MTUS1: variants seen among roughly 807,000 people sequenced by gnomAD.
MTUS1 encodes microtubule-associated tumor suppressor 1.
MTUS1 carries 109 observed loss-of-function variants against 120.8 expected under a neutral mutation model. The ratio of observed to expected loss-of-function variants is 0.90; its 90% confidence interval spans 0.77 to 1.06. MTUS1 has a LOEUF of 1.06. Ranked by LOEUF, MTUS1 falls within the 50% of genes least tolerant of loss-of-function variation. The pLI is 0.00. For synonymous variants in MTUS1, 737 were observed against 550.5 expected (o/e 1.34, Z -4.74); for missense variants, 2,210 against 1,486.3 (o/e 1.49, Z -8.01).
intron 1 of MTUS1, among the ~76,000 whole-genome samples, chr8:17,799,684 G>A (rs769489215): frequency 5.9e-5 from 9 of 151,916 alleles, no homozygotes; most frequent in African/African-American, 2.2e-4. Flanking sequence ...ATGTAACCTT[G>A]ACTTATTGAC....
In MTUS1 at chr8:17,754,609, G is replaced by T. The variant is rs370158336; in HGVS notation, c.1199C>A (p.Pro400Gln). The change falls in exon 2 of 15, where the codon CCG becomes CAG. Residue 400 changes from proline to glutamine, a missense_variant. Physicochemically the swap from Pro to Gln is moderately conservative, Grantham distance 76. Coordinates refer to ENST00000693296, the MANE Select transcript of MTUS1 (RefSeq NM_001363059.2). The part of the protein sequence containing the change: ...NHTSELILSS[P>Q]PGQKVGSSFG... ...TGACGAGCCCACCTTTTGTCCTGGCGGGCTACTTAGAATCAATTCTGAGGT... is the reference window on the plus strand; with the variant it reads ...TGACGAGCCCACCTTTTGTCCTGGCTGGCTACTTAGAATCAATTCTGAGGT... The T allele has an allele frequency of 1.2e-6, 2 of 1,613,946 alleles. No individual in the cohort carries two copies. Among genetic ancestry groups the T allele is most frequent in the Admixed American group, 1.7e-5 (1 of 59,996 alleles).
intron 7 of MTUS1, chr8:17,681,575 G>T (rs1172244655): frequency 6.5e-6 from 1 of 154,786 alleles, no homozygotes; most frequent in Non-Finnish European, 1.5e-5. Flanking sequence ...CTGGCACTTA[G>T]TAAATATTAG....
intron 7 of MTUS1, chr8:17,676,315 G>C (rs189472991): frequency 1.4e-6 from 1 of 703,022 alleles, no homozygotes; most frequent in South Asian, 1.5e-5. Flanking sequence ...ACAGTTTGCT[G>C]CTGGGGCAGC....
intron 7 of MTUS1, among the ~76,000 whole-genome samples, chr8:17,679,557 G>A (rs771803152): frequency 2.0e-5 from 3 of 151,458 alleles, no homozygotes; most frequent in South Asian, 2.1e-4. Context: ...GCTGGAGTGC[G>A]GTGGTGCGAT....
intron 3 of MTUS1, among the ~76,000 whole-genome samples, chr8:17,729,448 T>C (rs1176752860): frequency 6.6e-6 from 1 of 151,924 alleles, no homozygotes; most frequent in Non-Finnish European, 1.5e-5. Flanking sequence ...AAAATCCATA[T>C]ATTTCCTATG....
chr8:17,685,572 T>G (rs927093331), intron 6 of MTUS1, among the ~76,000 whole-genome samples: 1 of 152,194 alleles, frequency 6.6e-6, no homozygotes, highest in Non-Finnish European at 1.5e-5. Context: ...AGAAATTTAG[T>G]AATTACTGTC....
At chr8:17,680,229 C>A (rs1376673533) in intron 7 of MTUS1, among the ~76,000 whole-genome samples, 1 of 151,778 alleles carries the variant, frequency 6.6e-6, no homozygotes, top group Admixed American at 6.6e-5. Context: ...TTTGGAAGGC[C>A]GAGGCAGGTG....
intron 8 of MTUS1, among the ~76,000 whole-genome samples, chr8:17,665,649 C>G (rs1329064336): frequency 1.3e-5 from 2 of 152,108 alleles, no homozygotes; most frequent in Non-Finnish European, 2.9e-5. Context: ...GCTTGAGCCA[C>G]TATGCCCGGC....
At chr8:17,733,787 A>T (rs953086922) in intron 3 of MTUS1, among the ~76,000 whole-genome samples, 6 of 152,164 alleles carry the variant, frequency 3.9e-5, no homozygotes, top group African/African-American at 1.4e-4. Context: ...TCTACATTCT[A>T]TATTCTGAGC....
chr8:17,646,124 C>T lies in MTUS1; in HGVS notation c.3615G>A (p.Glu1205=), dbSNP rs1397517310. The T allele has an allele frequency of 1.2e-6, 2 of 1,611,758 alleles. No homozygotes were observed. Among genetic ancestry groups the T allele is most frequent in the South Asian group, 1.1e-5 (1 of 90,676 alleles). ...CCAGCGACTCTTGCAGAACAGCCTG[C>T]TCCGTGGAAAGCTGCCTTGAAGAAA... ...HMAISRQLST[E]QAVLQESLEK... is the part of the protein sequence containing the mutation. The change falls in exon 15 of 15, where the codon GAG becomes GAA. Residue 1205 remains glutamate (E), a synonymous_variant. Transcript: ENST00000693296.
chr8:17,736,727 G>A (rs1051388564), intron 3 of MTUS1, among the ~76,000 whole-genome samples: 4 of 152,052 alleles, frequency 2.6e-5, no homozygotes, highest in Admixed American at 2.6e-4. Context: ...TGAGACCACA[G>A]GCACCGGCCA....
chr8:17,799,748 G>A (rs949579014), intron 1 of MTUS1, among the ~76,000 whole-genome samples: 1 of 152,040 alleles, frequency 6.6e-6, no homozygotes, highest in Non-Finnish European at 1.5e-5. Context: ...GATTTACCAA[G>A]AATTATTTTC....
At chr8:17,665,723 T>G (rs1388021975) in intron 8 of MTUS1, among the ~76,000 whole-genome samples, 4 of 152,208 alleles carry the variant, frequency 2.6e-5, no homozygotes, top group Admixed American at 2.6e-4. Flanking sequence ...GACTGGCTAT[T>G]TTTCCCAGCC....
At chr8:17,760,384 T>G (rs972173236) in intron 1 of MTUS1, among the ~76,000 whole-genome samples, 1 of 152,084 alleles carries the variant, frequency 6.6e-6, no homozygotes, top group African/African-American at 2.4e-5. Context: ...GTACAGGGAT[T>G]TGGATATCAA....
chr8:17,737,384 T>A (rs557416275), intron 3 of MTUS1, among the ~76,000 whole-genome samples: 12 of 152,402 alleles, frequency 7.9e-5, no homozygotes, highest in African/African-American at 2.9e-4. Context: ...AACATGTTAG[T>A]GACTAATACT....
intron 1 of MTUS1, among the ~76,000 whole-genome samples, chr8:17,788,086 A>C (rs985889703): frequency 2.0e-5 from 3 of 151,958 alleles, no homozygotes; most frequent in Non-Finnish European, 4.4e-5. Context: ...GTGCCCTTGC[A>C]CTCCAGCCTG....
intron 14 of MTUS1, 29 bp downstream of exon 14, chr8:17,646,953 C>A (rs371840369): frequency 6.4e-7 from 1 of 1,560,592 alleles, no homozygotes; most frequent in South Asian, 1.1e-5. Context: ...GCGGGGAGCT[C>A]GGGAGAAACA....
chr8:17,789,157 C>T (rs752741439), intron 1 of MTUS1, among the ~76,000 whole-genome samples: 3 of 151,988 alleles, frequency 2.0e-5, no homozygotes, highest in Non-Finnish European at 4.4e-5. Context: ...CTCAGCCTGA[C>T]CAGTAGCTAG....
intron 1 of MTUS1, among the ~76,000 whole-genome samples, chr8:17,762,933 C>T (rs182221158): frequency 6.6e-6 from 1 of 151,904 alleles, no homozygotes; most frequent in African/African-American, 2.4e-5. Flanking sequence ...AAACACCTGT[C>T]CAGTTGACCA....
Sources: allele counts gnomAD v4.1 joint callset (sites outside exome capture counted in the v4.1 genomes callset), GRCh38; gene constraint gnomAD v4.1.1; transcripts MANE v1.5; gene names NCBI Gene and HGNC (gene_info 2026-07-23, HGNC 2026-07-21).